ME3: variants seen among roughly 807,000 people sequenced by gnomAD.
The protein encoded by ME3 is NADP-dependent malic enzyme, mitochondrial.
ME3 carries 48 observed loss-of-function variants against 68.9 expected under a neutral mutation model. That is an observed-to-expected ratio of 0.70 (90% CI 0.55 to 0.89). ME3 has a LOEUF of 0.89. Among genes scored for constraint, ME3 ranks in the 40% least tolerant of loss-of-function variants. The pLI, the probability that ME3 is intolerant of heterozygous loss-of-function variation, is 0.00. For missense variants in ME3, 675 were observed against 797.4 expected, an observed-to-expected ratio of 0.85 and a Z score of 1.85; for synonymous variants, 320 against 318.8, an observed-to-expected ratio of 1.00 and a Z score of -0.04.
chr11:86,498,734 T>C (rs1188261660), intron 5 of ME3, among the ~76,000 whole-genome samples: 1 of 152,244 alleles, frequency 6.6e-6, no homozygotes. Context: ...ATGTGCTAGA[T>C]GTAGTGCTAC....
intron 2 of ME3, among the ~76,000 whole-genome samples, chr11:86,601,589 C>T (rs1333406134): frequency 2.0e-5 from 3 of 151,968 alleles, no homozygotes; most frequent in African/African-American, 7.3e-5. Flanking sequence ...GAGAATCCTC[C>T]CTAACTCATT....
chr11:86,463,829 G>A (rs1163319013), intron 8 of ME3, among the ~76,000 whole-genome samples: 2 of 152,198 alleles, frequency 1.3e-5, no homozygotes, highest in South Asian at 2.1e-4. Context: ...ATGGCATGGT[G>A]AATGGTTATA....
intron 4 of ME3, among the ~76,000 whole-genome samples, chr11:86,532,179 T>G (rs1955299430): frequency 6.6e-6 from 1 of 152,160 alleles, no homozygotes; most frequent in African/African-American, 2.4e-5. Context: ...AGGGTGTAAC[T>G]TCTATAAATA....
chr11:86,540,013 T>C lies in ME3; in HGVS notation c.467+16540A>G, dbSNP rs542412142. 5.3e-5 allele frequency among the ~76,000 whole-genome samples: 8 copies of C among 152,306 alleles called. 1 individual carries two copies. The South Asian group carries it at 1.2e-3, about 24-fold the overall frequency. On this transcript the variant is annotated intron_variant, in intron 4 of 14. Coordinates refer to ENST00000543262, the Ensembl canonical transcript of ME3. ...GTAAACGTATCTGATAGCAATAACT[T>C]AAGCATACCCTAAATGACTCAGTAT...
In ME3 at chr11:86,607,452, GTTT is replaced by G. The variant is rs146485846; in HGVS notation, c.184-47632_184-47630del. Among the ~76,000 whole-genome samples, 290 of 133,514 alleles carry G rather than the reference GTTT, an allele frequency of 2.2e-3. 1 individual carries two copies. The highest frequency in any genetic ancestry group is 2.5e-3 in the Non-Finnish European group (160 of 63,926). The allele number at this position is 133,514 out of a possible 152,430, so 87.6% of individuals were successfully genotyped here. A position where few individuals can be genotyped will look rare whatever the true frequency, so the allele number is the denominator to read the frequency against. On this transcript the variant is annotated intron_variant, in intron 2 of 14. Transcript: ENST00000543262. Reference sequence around the variant, plus strand: ...TACATACAATGAGTTGAGAGGCATAGTTTTTTTTTTTTTTTTTTTTTAAACTTC... The same window carrying G: ...TACATACAATGAGTTGAGAGGCATAGTTTTTTTTTTTTTTTTTTAAACTTC...
chr11:86,571,109 T>C (rs1957765912), intron 2 of ME3, among the ~76,000 whole-genome samples: 1 of 152,258 alleles, frequency 6.6e-6, no homozygotes, highest in South Asian at 2.1e-4. Context: ...AATTTGGCAA[T>C]TGCACTTCAT....
chr11:86,498,939 TG>T (rs1397759050), intron 5 of ME3, among the ~76,000 whole-genome samples: 1 of 152,142 alleles, frequency 6.6e-6, no homozygotes, highest in Non-Finnish European at 1.5e-5. Context: ...CAAATATGCA[TG>T]GACACAGCCC....
At chr11:86,643,218 C>T (rs982181991) in intron 2 of ME3, among the ~76,000 whole-genome samples, 1 of 152,148 alleles carries the variant, frequency 6.6e-6, no homozygotes, top group Non-Finnish European at 1.5e-5. Flanking sequence ...GCCAGATGAT[C>T]TGTCTAAAGT....
chr11:86,671,668 C>G lies in ME3; in HGVS notation c.183+94G>C. The G allele has an allele frequency of 2.0e-6, 3 of 1,494,898 alleles. 1 individual carries two copies. The highest frequency in any genetic ancestry group is 3.5e-4 in the Middle Eastern group (2 of 5,776). 92.6% of individuals were successfully genotyped at this position (1,494,898 alleles called of 1,614,324 possible). ...AACAGAAAAACCGCTGGAAGGGCGC[C>G]CGGGAGGATCCTTTCTGGGTCCAGG... is the stretch of plus-strand genomic sequence containing the variant. On this transcript the variant is annotated intron_variant, in intron 2 of 14. Coordinates refer to ENST00000543262, the Ensembl canonical transcript of ME3.
chr11:86,511,552 T>C (rs910944195), intron 4 of ME3, among the ~76,000 whole-genome samples: 2 of 152,214 alleles, frequency 1.3e-5, no homozygotes, highest in Non-Finnish European at 2.9e-5. Flanking sequence ...ATGGGAGGAA[T>C]TTAGTTTCTA....
intron 2 of ME3, among the ~76,000 whole-genome samples, chr11:86,631,011 G>C (rs1223174247): frequency 6.6e-6 from 1 of 152,230 alleles, no homozygotes; most frequent in Non-Finnish European, 1.5e-5. Flanking sequence ...AATGGGGGAG[G>C]ACTAGGATGG....
chr11:86,446,545 T>G, intron 12 of ME3, 58 bp from the exon 13 acceptor site: 1 of 1,524,308 alleles, frequency 6.6e-7, no homozygotes, highest in Non-Finnish European at 9.0e-7. Context: ...GTAATAATAG[T>G]GGCCTATTCT....
intron 7 of ME3, among the ~76,000 whole-genome samples, chr11:86,483,273 T>A (rs1310431276): frequency 6.6e-6 from 1 of 152,086 alleles, no homozygotes; most frequent in East Asian, 1.9e-4. Context: ...GAGTCCCATT[T>A]AGGTTGAAGT....
chr11:86,566,402 G>A (rs901604663), intron 2 of ME3, among the ~76,000 whole-genome samples: 15 of 152,168 alleles, frequency 9.9e-5, no homozygotes, highest in Admixed American at 9.2e-4. Flanking sequence ...ACTCACAAAG[G>A]TAGGGAGCAT....
At chr11:86,629,917 C>T (rs1943908157) in intron 2 of ME3, among the ~76,000 whole-genome samples, 1 of 152,120 alleles carries the variant, frequency 6.6e-6, no homozygotes, top group Admixed American at 6.6e-5. Flanking sequence ...TTTAATTCTG[C>T]TATACCTGCA....
At chr11:86,590,003 C>A (rs1297745052) in intron 2 of ME3, among the ~76,000 whole-genome samples, 1 of 152,160 alleles carries the variant, frequency 6.6e-6, no homozygotes, top group East Asian at 1.9e-4. Flanking sequence ...TTTCTCACAT[C>A]TAATTTTAAT....
At chr11:86,506,587 A>G (rs1953091947) in intron 5 of ME3, among the ~76,000 whole-genome samples, 1 of 152,224 alleles carries the variant, frequency 6.6e-6, no homozygotes, top group Non-Finnish European at 1.5e-5. Context: ...GTACCTTTTC[A>G]TCATTCTTTC....
At chr11:86,529,583 A>G (rs1955042864) in intron 4 of ME3, among the ~76,000 whole-genome samples, 2 of 152,220 alleles carry the variant, frequency 1.3e-5, no homozygotes, top group Admixed American at 1.3e-4. Flanking sequence ...AATATCCCTG[A>G]TGAACATCGA....
intron 2 of ME3, among the ~76,000 whole-genome samples, chr11:86,620,247 A>C (rs1386656960): frequency 6.6e-6 from 1 of 152,254 alleles, no homozygotes; most frequent in African/African-American, 2.4e-5. Flanking sequence ...ATCAATGACT[A>C]TAATAATTAT....
Sources: allele counts gnomAD v4.1 joint callset (sites outside exome capture counted in the v4.1 genomes callset), GRCh38; gene constraint gnomAD v4.1.1; transcripts MANE v1.5; gene names NCBI Gene and HGNC (gene_info 2026-07-23, HGNC 2026-07-21).